LRIG1: variants seen among roughly 807,000 people sequenced by gnomAD.
LRIG1 encodes the protein leucine-rich repeats and immunoglobulin-like domains protein 1.
Under a neutral mutation model 99.2 loss-of-function variants are expected in LRIG1, and 48 were observed. That is an observed-to-expected ratio of 0.48 (90% CI 0.38 to 0.62). The LOEUF (loss-of-function observed/expected upper bound fraction) is 0.62. Ranked by LOEUF, LRIG1 falls within the 20% of genes least tolerant of loss-of-function variation. The pLI, the probability that LRIG1 is intolerant of heterozygous loss-of-function variation, is 0.00. For synonymous variants in LRIG1, 772 were observed against 596.1 expected (o/e 1.29, Z -4.30); for missense variants, 1,646 against 1,434.4 (o/e 1.15, Z -2.38).
chr3:66,463,975 G>A (rs528636512), intron 1 of LRIG1, among the ~76,000 whole-genome samples: 28 of 152,330 alleles, frequency 1.8e-4, no homozygotes, highest in African/African-American at 5.3e-4. Flanking sequence ...ACTGAAGGTG[G>A]TAATGCTTTA....
intron 12 of LRIG1, among the ~76,000 whole-genome samples, chr3:66,391,562 G>C (rs568383841): frequency 1.3e-5 from 2 of 152,286 alleles, no homozygotes; most frequent in South Asian, 4.1e-4. Flanking sequence ...TAAATGCCCA[G>C]AATAGGCAAA....
At position 66,381,935 on chromosome 3, in the gene LRIG1, G is replaced by A. The variant is rs142164113; in HGVS notation, c.2618-304C>T. On this transcript the variant is annotated intron_variant, in intron 16 of 18. Coordinates refer to ENST00000273261, the MANE Select transcript of LRIG1 (RefSeq NM_015541.3). ...CTTTCCAGTGTAAGACTGGATCACA[G>A]AGCAGACCTGGGCACGTTCCCCATG... Among the ~76,000 whole-genome samples, 3 of 151,608 alleles carry A rather than the reference G, an allele frequency of 2.0e-5. No homozygotes were observed. The East Asian group carries it at 5.8e-4, about 29-fold the overall frequency.
intron 10 of LRIG1, 89 bp from the exon 11 acceptor site, chr3:66,398,272 C>T (rs1258976903): frequency 1.0e-6 from 1 of 964,148 alleles, no homozygotes; most frequent in African/African-American, 1.6e-5. Flanking sequence ...AGATGACCCA[C>T]AGGGACTAGC....
intron 3 of LRIG1, among the ~76,000 whole-genome samples, chr3:66,424,443 A>C (rs768915502): frequency 2.0e-5 from 3 of 152,182 alleles, no homozygotes; most frequent in Non-Finnish European, 4.4e-5. Context: ...ATGCCATGGA[A>C]ACGTGTCTGC....
At chr3:66,422,782 G>A (rs1036477270) in intron 3 of LRIG1, among the ~76,000 whole-genome samples, 1 of 152,210 alleles carries the variant, frequency 6.6e-6, no homozygotes, top group African/African-American at 2.4e-5. Flanking sequence ...TCACGCTGCT[G>A]ATAAAGACAC....
chr3:66,379,954 T>TGTCA lies in LRIG1; in HGVS notation c.*305_*308dup, dbSNP rs914877706. 23 of 175,682 alleles carry TGTCA rather than the reference T, an allele frequency of 1.3e-4. No homozygotes were observed. The highest frequency in any genetic ancestry group is 6.6e-4 in the African/African-American group (22 of 33,420). 10.9% of individuals were successfully genotyped at this position (175,682 alleles called of 1,614,324 possible). ...AGCAACCTGATACGAAAAATAATATTGTCAAAATTGTATAATTTTTTTCTG... is the reference window on the plus strand; with the variant it reads ...AGCAACCTGATACGAAAAATAATATTGTCAGTCAAAATTGTATAATTTTTTTCTG... On this transcript the variant is annotated 3_prime_UTR_variant, in exon 19 of 19. Transcript: ENST00000273261.
intron 1 of LRIG1, among the ~76,000 whole-genome samples, chr3:66,468,636 C>T (rs1026360158): frequency 1.3e-5 from 2 of 152,212 alleles, no homozygotes; most frequent in Non-Finnish European, 2.9e-5. Context: ...CCAGCTCTGG[C>T]CTGGGAGCCG....
intron 12 of LRIG1, 101 bp downstream of exon 12, chr3:66,393,938 TG>T: frequency 8.1e-7 from 1 of 1,240,226 alleles, no homozygotes; most frequent in South Asian, 1.4e-5. Flanking sequence ...AACCACGGGC[TG>T]GGGTTTACTC....
At chr3:66,417,355 A>G (rs1702646560) in intron 3 of LRIG1, 89 bp from the exon 4 acceptor site, 1 of 1,312,058 alleles carries the variant, frequency 7.6e-7, no homozygotes, top group Non-Finnish European at 1.1e-6. Context: ...CCCCCCACCA[A>G]TATAACTACA....
chr3:66,495,028 A>G (rs1035631765), intron 1 of LRIG1, among the ~76,000 whole-genome samples: 3 of 152,196 alleles, frequency 2.0e-5, no homozygotes, highest in Non-Finnish European at 4.4e-5. Flanking sequence ...AAAGTGCTCT[A>G]TTTCTTTCCA....
chr3:66,489,105 G>A (rs2106918107), intron 1 of LRIG1, among the ~76,000 whole-genome samples: 1 of 152,292 alleles, frequency 6.6e-6, no homozygotes, highest in African/African-American at 2.4e-5. Context: ...TTTCTTTGTG[G>A]AGTATTCACT....
At chr3:66,406,141 G>GAC in intron 8 of LRIG1, 1 of 985,582 alleles carries the variant, frequency 1.0e-6, no homozygotes, top group Non-Finnish European at 1.2e-6. Context: ...GCTGCCAGCA[G>GAC]AGAGGGCAGC....
intron 3 of LRIG1, among the ~76,000 whole-genome samples, chr3:66,431,761 T>G (rs1162982528): frequency 6.6e-6 from 1 of 152,158 alleles, no homozygotes; most frequent in Non-Finnish European, 1.5e-5. Context: ...GGGAGCAGAA[T>G]GAACCTCCTT....
At chr3:66,427,342 C>T (rs1000657063) in intron 3 of LRIG1, among the ~76,000 whole-genome samples, 2 of 152,266 alleles carry the variant, frequency 1.3e-5, no homozygotes, top group African/African-American at 2.4e-5. Flanking sequence ...GGAATCCACA[C>T]AATGTGAGAC....
Position 66,470,450 on chromosome 3 carries a change from G to A in LRIG1, c.219-7941C>T, listed in dbSNP as rs141170148. ...CAGAAAAGTAAAATAAGGAATGGAG[G>A]GCATGGAGTAAAATAAGCAAACAAA... On this transcript the variant is annotated intron_variant, in intron 1 of 18. Coordinates refer to ENST00000273261, the MANE Select transcript of LRIG1 (RefSeq NM_015541.3). Among the ~76,000 whole-genome samples the A allele has an allele frequency of 2.8e-3, 428 of 152,236 alleles. 2 individuals carry two copies. The highest frequency in any genetic ancestry group is 9.3e-3 in the African/African-American group (386 of 41,516).
intron 13 of LRIG1, among the ~76,000 whole-genome samples, chr3:66,385,457 T>TTTCTG (rs1553711547): frequency 6.6e-6 from 1 of 151,286 alleles, no homozygotes; most frequent in Non-Finnish European, 1.5e-5. Context: ...TAATAACTAG[T>TTTCTG]TTTTGTTTTG....
chr3:66,484,034 C>A (rs559243567), intron 1 of LRIG1, among the ~76,000 whole-genome samples: 58 of 152,354 alleles, frequency 3.8e-4, no homozygotes, highest in Admixed American at 5.9e-4. Flanking sequence ...GGCAGGTAAA[C>A]AGCCTGTCAT....
intron 3 of LRIG1, among the ~76,000 whole-genome samples, chr3:66,438,012 G>T (rs962415167): frequency 6.6e-6 from 1 of 152,168 alleles, no homozygotes; most frequent in Non-Finnish European, 1.5e-5. Context: ...AGCCACGAAG[G>T]GACCCTTCAT....
chr3:66,429,799 TG>T (rs1703100928), intron 3 of LRIG1, among the ~76,000 whole-genome samples: 1 of 151,946 alleles, frequency 6.6e-6, no homozygotes, highest in African/African-American at 2.4e-5. Context: ...TGTGTGTGTG[TG>T]TGTGTGTGTG....
Sources: allele counts gnomAD v4.1 joint callset (sites outside exome capture counted in the v4.1 genomes callset), GRCh38; gene constraint gnomAD v4.1.1; transcripts MANE v1.5; gene names NCBI Gene and HGNC (gene_info 2026-07-23, HGNC 2026-07-21).